The following CCDC7 variants were observed in gnomAD, a reference collection of about 807,000 sequenced individuals.
CCDC7 encodes coiled-coil domain-containing protein 7.
A neutral mutation model predicts 196.9 loss-of-function variants in CCDC7; 183 were observed. That is an observed-to-expected ratio of 0.93 (90% CI 0.82 to 1.05). The LOEUF (loss-of-function observed/expected upper bound fraction) is 1.05. Ranked by LOEUF, CCDC7 falls within the 50% of genes least tolerant of loss-of-function variation. The pLI is 0.00. For missense variants in CCDC7, 1,540 were observed against 1,482.2 expected, an observed-to-expected ratio of 1.04 and a Z score of -0.64; for synonymous variants, 525 against 484.6, an observed-to-expected ratio of 1.08 and a Z score of -1.10.
intron 20 of CCDC7, among the ~76,000 whole-genome samples, chr10:32,660,373 G>T (rs907884611): frequency 1.4e-5 from 2 of 139,916 alleles, no homozygotes; most frequent in Non-Finnish European, 3.1e-5. Flanking sequence ...AGAATATGTG[G>T]TGTTTGGTTT....
chr10:32,796,618 G>C (rs1048483536), intron 29 of CCDC7, among the ~76,000 whole-genome samples: 1 of 152,088 alleles, frequency 6.6e-6, no homozygotes, highest in African/African-American at 2.4e-5. Flanking sequence ...ATACTTATTT[G>C]CCATGCCCAA....
chr10:32,588,345 A>C (rs1206984890), intron 18 of CCDC7, among the ~76,000 whole-genome samples: 2 of 151,436 alleles, frequency 1.3e-5, no homozygotes, highest in African/African-American at 2.4e-5. Flanking sequence ...ATTTTGTGAG[A>C]GTGTTTTTCA....
chr10:32,732,823 A>G (rs2084216738), intron 28 of CCDC7, among the ~76,000 whole-genome samples: 1 of 152,162 alleles, frequency 6.6e-6, no homozygotes, highest in Admixed American at 6.5e-5. Context: ...TCTGTCAGAT[A>G]TTAACATAGC....
chr10:32,451,155 T>A (rs1362666774), upstream of CCDC7, among the ~76,000 whole-genome samples: 1 of 152,118 alleles, frequency 6.6e-6, no homozygotes, highest in African/African-American at 2.4e-5. Flanking sequence ...GAGCAAAGGG[T>A]ATAGAAAAGA....
chr10:32,632,127 A>G (rs1227111777), intron 18 of CCDC7, among the ~76,000 whole-genome samples: 1 of 51,634 alleles, frequency 1.9e-5, no homozygotes, highest in Non-Finnish European at 3.4e-5. Flanking sequence ...GATACATTTT[A>G]TTTCTTTTTT....
intron 11 of CCDC7, among the ~76,000 whole-genome samples, chr10:32,540,896 C>T (rs2051293494): frequency 2.0e-5 from 3 of 152,048 alleles, no homozygotes; most frequent in South Asian, 4.1e-4. Context: ...CTGTATATTT[C>T]CCGGATTTGA....
At chr10:32,633,414 A>G (rs927506960) in intron 18 of CCDC7, among the ~76,000 whole-genome samples, 1 of 152,152 alleles carries the variant, frequency 6.6e-6, no homozygotes, top group Non-Finnish European at 1.5e-5. Flanking sequence ...ACCTGACTGA[A>G]CATTAACAAC....
exon 19 of CCDC7, chr10:32,634,329 T>C (rs1289309582): frequency 1.7e-6 from 2 of 1,198,956 alleles, no homozygotes; most frequent in Non-Finnish European, 2.1e-6. Flanking sequence ...ATAGAACAAA[T>C]GAAACAAAGA....
At chr10:32,445,256 A>T (rs554956260), upstream of CCDC7, among the ~76,000 whole-genome samples, 1 of 152,268 alleles carries the variant, frequency 6.6e-6, no homozygotes, top group African/African-American at 2.4e-5. Context: ...CCCCAATGGT[A>T]ACTCCTAGTG....
At chr10:32,724,027 A>G (rs1397374283) in intron 25 of CCDC7, among the ~76,000 whole-genome samples, 2 of 152,000 alleles carry the variant, frequency 1.3e-5, no homozygotes, top group Non-Finnish European at 2.9e-5. Flanking sequence ...TTTTGGATTT[A>G]TAATTTAACC....
intron 30 of CCDC7, among the ~76,000 whole-genome samples, chr10:32,809,590 A>G (rs2086625401): frequency 6.6e-6 from 1 of 152,242 alleles, no homozygotes; most frequent in Non-Finnish European, 1.5e-5. Context: ...CACTTTTTAA[A>G]AGAAGACATT....
chr10:32,791,895 G>A lies in CCDC7; in HGVS notation c.3013+12811G>A, dbSNP rs917316420. On this transcript the variant is annotated intron_variant, in intron 29 of 41. Transcript: ENST00000639629. ...AGCTCAAAGTTCTCAAACAGATTCAGTCCAAAAAAGTCATTTTCAAGGCAC... is the reference window on the plus strand; with the variant it reads ...AGCTCAAAGTTCTCAAACAGATTCAATCCAAAAAAGTCATTTTCAAGGCAC... Among the ~76,000 whole-genome samples the A allele has an allele frequency of 2.0e-5, 3 of 152,110 alleles. No homozygotes were observed. The South Asian group carries it at 6.2e-4, about 32-fold the overall frequency.
At chr10:32,706,692 C>T (rs911087801) in intron 24 of CCDC7, among the ~76,000 whole-genome samples, 3 of 152,146 alleles carry the variant, frequency 2.0e-5, no homozygotes, top group Admixed American at 2.0e-4. Context: ...CTGTAAACAC[C>T]TCTACACAAC....
chr10:32,786,635 C>T (rs1424757086), intron 29 of CCDC7, among the ~76,000 whole-genome samples: 2 of 152,130 alleles, frequency 1.3e-5, no homozygotes, highest in Non-Finnish European at 2.9e-5. Flanking sequence ...GTAATGCACA[C>T]CTGTAATCCC....
chr10:32,484,888 A>G (rs2040711169), intron 8 of CCDC7, among the ~76,000 whole-genome samples: 1 of 151,992 alleles, frequency 6.6e-6, no homozygotes, highest in Non-Finnish European at 1.5e-5. Context: ...TGTGCTGCTG[A>G]ATTTGGTTTG....
intron 28 of CCDC7, among the ~76,000 whole-genome samples, chr10:32,736,646 G>A (rs1422276102): frequency 1.3e-5 from 2 of 149,684 alleles, no homozygotes; most frequent in African/African-American, 2.4e-5. Flanking sequence ...TATTTTGTTA[G>A]GTTTATAATT....
intron 21 of CCDC7, 96 bp from the exon 23 acceptor site, chr10:32,685,874 A>T (rs1031695947): frequency 3.0e-6 from 2 of 672,704 alleles, no homozygotes; most frequent in Non-Finnish European, 5.1e-6. Flanking sequence ...AGTGACTGAG[A>T]ATGCTCATGT....
At chr10:32,654,413 A>C (rs1395983194) in intron 20 of CCDC7, among the ~76,000 whole-genome samples, 1 of 152,164 alleles carries the variant, frequency 6.6e-6, no homozygotes, top group Non-Finnish European at 1.5e-5. Flanking sequence ...TAAATTCTAA[A>C]TAATATGATG....
chr10:32,718,191 A>G (rs2081907616), intron 25 of CCDC7, among the ~76,000 whole-genome samples: 1 of 152,212 alleles, frequency 6.6e-6, no homozygotes. Flanking sequence ...CACCACGATC[A>G]GGTCAGCTTC....
Sources: allele counts gnomAD v4.1 joint callset (sites outside exome capture counted in the v4.1 genomes callset), GRCh38; gene constraint gnomAD v4.1.1; transcripts MANE v1.5; gene names NCBI Gene and HGNC (gene_info 2026-07-23, HGNC 2026-07-21).